Variants in SMPDL3B observed in about 807,000 individuals in gnomAD.
SMPDL3B encodes sphingomyelin phosphodiesterase acid like 3B.
In SMPDL3B, 31 loss-of-function variants were observed where a neutral mutation model predicts 37.9. That is an observed-to-expected ratio of 0.82 (90% confidence interval 0.61 to 1.10). The LOEUF is 1.10. Among genes scored for constraint, SMPDL3B ranks in the 50% least tolerant of loss-of-function variants. The pLI is 0.00. For missense variants in SMPDL3B, 525 were observed against 597.8 expected, an observed-to-expected ratio of 0.88 and a Z score of 1.27; for synonymous variants, 235 against 242.6, an observed-to-expected ratio of 0.97 and a Z score of 0.29.
chr1:27,935,294 T>C, intron 1 of SMPDL3B, 50 bp downstream of exon 1: 1 of 1,424,580 alleles, frequency 7.0e-7, no homozygotes, highest in Non-Finnish European at 9.9e-7. Context: ...CTGTGAACTC[T>C]GGGGCTGCGG....
intron 3 of SMPDL3B, among the ~76,000 whole-genome samples, chr1:27,951,157 A>G (rs1399250881): frequency 1.3e-5 from 2 of 152,194 alleles, no homozygotes; most frequent in Admixed American, 6.5e-5. Context: ...CCAAGATGCC[A>G]TTGACTGAAA....
chr1:27,950,278 T>G (rs2090445195), intron 3 of SMPDL3B, among the ~76,000 whole-genome samples: 1 of 152,028 alleles, frequency 6.6e-6, no homozygotes, highest in South Asian at 2.1e-4. Flanking sequence ...ACCAGGACAT[T>G]CCCCTGACCC....
intron 1 of SMPDL3B, among the ~76,000 whole-genome samples, chr1:27,943,588 G>T (rs561791364): frequency 5.4e-4 from 82 of 152,300 alleles, no homozygotes; most frequent in African/African-American, 1.8e-3. Flanking sequence ...AATGGGGGAG[G>T]AAGTGATTGC....
chr1:27,954,463 C>T lies in SMPDL3B; in HGVS notation c.627C>T (p.Asp209=). The change falls in exon 5 of 8, where the codon GAC becomes GAT. Residue 209 remains aspartate, a synonymous_variant. Transcript: ENST00000373894. ...ATGCGCTGACAGCAGACATGGCGGA[C>T]CCTGGCCAGCAGTTCCAGTGGCTGG... ...TSNALTADMA[D]PGQQFQWLED... is the part of the protein sequence containing the mutation. 6.2e-7 allele frequency: 1 copy of T among 1,614,080 alleles called. No individual in the cohort carries two copies. The highest frequency in any genetic ancestry group is 8.5e-7 in the Non-Finnish European group (1 of 1,180,024).
At chr1:27,940,420 G>C (rs1275009100) in intron 1 of SMPDL3B, among the ~76,000 whole-genome samples, 1 of 138,974 alleles carries the variant, frequency 7.2e-6, no homozygotes, top group African/African-American at 2.7e-5. Flanking sequence ...ACCAAATGTG[G>C]AGTAACCACT....
intron 2 of SMPDL3B, among the ~76,000 whole-genome samples, chr1:27,946,606 TC>T (rs1429119090): frequency 1.3e-5 from 2 of 152,044 alleles, no homozygotes; most frequent in African/African-American, 2.4e-5. Context: ...GGGCACATGA[TC>T]CCATCTGGCA....
At chr1:27,947,536 T>G (rs903820589) in intron 2 of SMPDL3B, among the ~76,000 whole-genome samples, 1 of 145,702 alleles carries the variant, frequency 6.9e-6, no homozygotes, top group African/African-American at 2.7e-5. Context: ...GAGAATCGCT[T>G]GAACCTGGGA....
chr1:27,948,790 TGTGA>T (rs1427536576), intron 2 of SMPDL3B, among the ~76,000 whole-genome samples: 2 of 152,216 alleles, frequency 1.3e-5, no homozygotes, highest in Non-Finnish European at 2.9e-5. Context: ...ACAAACACTC[TGTGA>T]GTAAGAACTG....
In SMPDL3B at chr1:27,958,527, C is replaced by G. The variant is rs753643393; in HGVS notation, c.1057C>G (p.Pro353Ala). 1.9e-6 allele frequency: 3 copies of G among 1,613,584 alleles called. No homozygotes were observed. The highest frequency in any genetic ancestry group is 2.5e-6 in the Non-Finnish European group (3 of 1,179,800). The change falls in exon 8 of 8, where the codon CCG (proline) becomes GCG (alanine). Residue 353 changes from proline (P) to alanine (A), a missense_variant. By Grantham distance (27) the Pro-to-Ala change is conservative. Transcript: ENST00000373894. This position sits in a 1 kb window ranked among gnomAD's most constrained non-coding sequence, Gnocchi z 5.6. ...GAGCCAGGCGAATGCTCAGGGGACG[C>G]CGCGCTGGGAGCTCGAGTACCAGCT... ...NLSQANAQGT[P>A]RWELEYQLTE...
intron 3 of SMPDL3B, among the ~76,000 whole-genome samples, chr1:27,950,035 C>G (rs2090443081): frequency 6.6e-6 from 1 of 152,150 alleles, no homozygotes; most frequent in Admixed American, 6.6e-5. Context: ...GCTGTGACCT[C>G]AATTTTACTG....
At position 27,935,350 on chromosome 1, in the gene SMPDL3B, G is replaced by A. The variant is rs1417910515; in HGVS notation, c.61+106G>A. 3.6e-6 allele frequency: 3 copies of A among 829,084 alleles called. No individual in the cohort carries two copies. In the East Asian group the frequency reaches 8.0e-5, roughly 22 times the overall value. 51.4% of individuals were successfully genotyped at this position (829,084 alleles called of 1,614,324 possible). A position where few individuals can be genotyped will look rare whatever the true frequency, so the allele number is the denominator to read the frequency against. On this transcript the variant is annotated intron_variant, in intron 1 of 7. Transcript: ENST00000373894. The stretch of plus-strand genomic sequence containing the variant: ...TGAAGGTGCTTCTAAAGATAGCAAG[G>A]CAGGAGCTAGGCAGGGAGGCAGGTG...
chr1:27,959,053 C>G lies in SMPDL3B; in HGVS notation c.*215C>G. The G allele has an allele frequency of 1.8e-6, 1 of 564,920 alleles. No individual in the cohort carries two copies. The highest frequency in any genetic ancestry group is 2.6e-5 in the South Asian group (1 of 37,806). 35.0% of individuals were successfully genotyped at this position (564,920 alleles called of 1,614,324 possible). A position where few individuals can be genotyped will look rare whatever the true frequency, so the allele number is the denominator to read the frequency against. On this transcript the variant is annotated 3_prime_UTR_variant, in exon 8 of 8. Transcript: ENST00000373894. ...AAGCCAGACTCTCTCCAAAAACAAA[C>G]CAGAAACAGAAAAGAAATGACGACC...
intron 3 of SMPDL3B, 72 bp downstream of exon 3, chr1:27,949,234 A>T (rs2090435352): frequency 6.8e-7 from 1 of 1,469,908 alleles, no homozygotes; most frequent in African/African-American, 1.4e-5. Flanking sequence ...GTGGGACAAC[A>T]GCAGCAGCGA....
At position 27,954,455 on chromosome 1, in the gene SMPDL3B, A is replaced by G; in HGVS notation, c.619A>G (p.Met207Val). 2 of 1,614,128 alleles carry G rather than the reference A, an allele frequency of 1.2e-6. No individual in the cohort carries two copies. Among genetic ancestry groups the G allele is most frequent in the East Asian group, 2.2e-5 (1 of 44,888 alleles). The part of the protein sequence containing the change: ...YYTSNALTAD[M>V]ADPGQQFQWL... ...TACCAGCAATGCGCTGACAGCAGACATGGCGGACCCTGGCCAGCAGTTCCA... is the reference window on the plus strand; with the variant it reads ...TACCAGCAATGCGCTGACAGCAGACGTGGCGGACCCTGGCCAGCAGTTCCA... Residue 207 changes from methionine (M) to valine (V), a missense_variant, in exon 5 of 8, where the codon ATG becomes GTG. Met to Val is a conservative substitution (Grantham distance 21). Coordinates refer to ENST00000373894, the MANE Select transcript of SMPDL3B (RefSeq NM_014474.4).
At chr1:27,956,568 T>A in intron 7 of SMPDL3B, 1 of 848,814 alleles carries the variant, frequency 1.2e-6, no homozygotes, top group Non-Finnish European at 1.4e-6. Context: ...CTTTGGGCAG[T>A]CCCTCACCTC....
chr1:27,946,092 G>A (rs2090404539), intron 2 of SMPDL3B, among the ~76,000 whole-genome samples: 1 of 152,158 alleles, frequency 6.6e-6, no homozygotes, highest in Non-Finnish European at 1.5e-5. Flanking sequence ...AGTGGCTCAT[G>A]CTTGTAATTC....
intron 1 of SMPDL3B, among the ~76,000 whole-genome samples, chr1:27,941,907 C>T (rs1008087054): frequency 6.6e-6 from 1 of 152,222 alleles, no homozygotes; most frequent in East Asian, 1.9e-4. Flanking sequence ...CCACCTGGAC[C>T]CCAAGGAGGT....
chr1:27,943,856 A>C (rs1005132061), intron 1 of SMPDL3B, among the ~76,000 whole-genome samples: 1 of 151,702 alleles, frequency 6.6e-6, no homozygotes, highest in Non-Finnish European at 1.5e-5. Flanking sequence ...AAATACAAAA[A>C]AAAAAAAATT....
chr1:27,957,025 A>G (rs1392637849), intron 7 of SMPDL3B, among the ~76,000 whole-genome samples: 1 of 152,082 alleles, frequency 6.6e-6, no homozygotes, highest in African/African-American at 2.4e-5. Context: ...TGGCCACAGT[A>G]AGAGGCACAA....
Sources: allele counts gnomAD v4.1 joint callset (sites outside exome capture counted in the v4.1 genomes callset), GRCh38; gene constraint gnomAD v4.1.1; non-coding constraint Gnocchi (gnomAD v3.1); transcripts MANE v1.5; gene names NCBI Gene and HGNC (gene_info 2026-07-23, HGNC 2026-07-21).